OTUD5: variants seen among roughly 807,000 people sequenced by gnomAD.
OTUD5 encodes the protein OTU deubiquitinase 5, also known as OTU domain-containing protein 5.
A neutral mutation model predicts 36.3 loss-of-function variants in OTUD5; 2 were observed. The observed-to-expected ratio is 0.06, with a 90% CI of 0.02 to 0.17. The LOEUF (loss-of-function observed/expected upper bound fraction) is 0.17, where lower values mean the gene tolerates loss of function less well. OTUD5 is among the 10% of genes least tolerant of loss of function. The pLI, the probability that OTUD5 is intolerant of heterozygous loss-of-function variation, is 1.00. For missense variants in OTUD5, 233 were observed against 512.3 expected (o/e 0.45, Z 5.26); for synonymous variants, 234 against 214.9 (o/e 1.09, Z -0.78).
intron 4 of OTUD5, 33 bp downstream of exon 4, chrX:48,934,678 C>G: frequency 8.3e-7 from 1 of 1,205,915 alleles, no homozygotes; most frequent in Middle Eastern, 2.3e-4. Flanking sequence ...AATGAGGCAC[C>G]ATCTTTCCCT....
chrX:48,956,942 C>A lies in OTUD5; in HGVS notation c.594+35G>T, dbSNP rs369428817. ...CTTCACAGTCTGGGGGTCCCATCTG[C>A]CGTGGCCGCTCACCCCTCACCCCAC... On this transcript the variant is annotated intron_variant, in intron 1 of 8. Coordinates refer to ENST00000376488, the MANE Select transcript of OTUD5 (RefSeq NM_001136157.2). 4.0e-5 allele frequency: 44 copies of A among 1,105,093 alleles called. No homozygotes were observed. The African/African-American group carries it at 6.9e-4, about 17-fold the overall frequency. 91.1% of individuals were successfully genotyped at this position (1,105,093 alleles called of 1,213,427 possible).
intron 1 of OTUD5, among the ~76,000 whole-genome samples, chrX:48,951,847 A>G (rs2064152952): frequency 8.9e-6 from 1 of 111,796 alleles, no homozygotes; most frequent in Admixed American, 9.5e-5. Context: ...TGAGGTCAGG[A>G]GTTCAGGAGA....
intron 2 of OTUD5, among the ~76,000 whole-genome samples, chrX:48,942,236 C>CACACAT (rs2063938352): frequency 1.3e-5 from 1 of 77,567 alleles, no homozygotes. Flanking sequence ...GCTAGATACA[C>CACACAT]ACACACATAC....
chrX:48,948,019 C>T (rs782017484), intron 1 of OTUD5, among the ~76,000 whole-genome samples: 1 of 112,464 alleles, frequency 8.9e-6, no homozygotes, highest in South Asian at 3.7e-4. Flanking sequence ...CTGACCACAG[C>T]CCAGGTGGCA....
rs782570840 is a variant in OTUD5, at chrX:48,923,186, T to TGGG, written c.1686_1688dup (p.Pro563dup). On this transcript the variant is annotated inframe_insertion, in exon 9 of 9. Coordinates refer to ENST00000376488, the MANE Select transcript of OTUD5 (RefSeq NM_001136157.2). The stretch of plus-strand genomic sequence containing the variant: ...CCCTGGGTCTCCATCAACTCTTGTC[T>TGGG]GGGGGCGGGTCTCTGTGCACTTTGT... 7 of 1,208,885 alleles carry TGGG rather than the reference T, an allele frequency of 5.8e-6. No homozygotes were observed. Among genetic ancestry groups the TGGG allele is most frequent in the Non-Finnish European group, 7.8e-6 (7 of 893,405 alleles).
chrX:48,928,452 G>C (rs782059996), intron 5 of OTUD5, among the ~76,000 whole-genome samples: 2 of 111,973 alleles, frequency 1.8e-5, no homozygotes, highest in Non-Finnish European at 3.8e-5. Context: ...AACAAGCCAT[G>C]AAAGAACATG....
intron 1 of OTUD5, among the ~76,000 whole-genome samples, chrX:48,948,619 G>A (rs925378976): frequency 2.7e-5 from 3 of 110,876 alleles, no homozygotes; most frequent in African/African-American, 9.8e-5. Flanking sequence ...CTAGAGGCTG[G>A]ACTGCTAGCC....
At chrX:48,950,537 C>CTTTTTTT (rs781905691) in intron 1 of OTUD5, among the ~76,000 whole-genome samples, 3 of 83,073 alleles carry the variant, frequency 3.6e-5, no homozygotes, top group African/African-American at 4.6e-5. Flanking sequence ...TTCTCTCTCT[C>CTTTTTTT]TTTTTTTTTT....
At chrX:48,942,167 A>G (rs1557051207) in intron 2 of OTUD5, among the ~76,000 whole-genome samples, 1 of 106,176 alleles carries the variant, frequency 9.4e-6, no homozygotes, top group Admixed American at 1.0e-4. Context: ...AGTTACTACA[A>G]CAAGCCAGGT....
chrX:48,932,486 G>A (rs1024554009), intron 5 of OTUD5, among the ~76,000 whole-genome samples: 1 of 109,363 alleles, frequency 9.1e-6, no homozygotes, highest in Non-Finnish European at 1.9e-5. Context: ...CACCACACCC[G>A]GCTAATTTTT....
intron 5 of OTUD5, among the ~76,000 whole-genome samples, chrX:48,926,446 G>GT (rs1246519022): frequency 9.1e-6 from 1 of 109,788 alleles, no homozygotes; most frequent in Non-Finnish European, 1.9e-5. Context: ...CGCCTCCCAG[G>GT]TTCAAGGGAT....
intron 1 of OTUD5, among the ~76,000 whole-genome samples, chrX:48,952,656 G>A (rs1183719634): frequency 1.8e-5 from 2 of 111,923 alleles, no homozygotes; most frequent in East Asian, 2.8e-4. Context: ...AGAGCAATGA[G>A]TCCAACCTCC....
At chrX:48,942,039 C>T (rs1329820562) in intron 2 of OTUD5, among the ~76,000 whole-genome samples, 1 of 110,307 alleles carries the variant, frequency 9.1e-6, no homozygotes, top group Non-Finnish European at 1.9e-5. Context: ...GTCAGCTCTT[C>T]CTGTAAGTAG....
In OTUD5 at chrX:48,934,784, ATGGC is replaced by A; in HGVS notation, c.833_836del (p.Cys278LeufsTer56). On this transcript the variant is annotated frameshift_variant, in exon 4 of 9. Coordinates refer to ENST00000376488, the MANE Select transcript of OTUD5 (RefSeq NM_001136157.2). LOFTEE classifies it high-confidence loss of function. ...TGGCCTGCATCTCAATGTGGTTGCC[ATGGC>A]AATTGTTTTTCCGCTTCCTGTTAAT... 1 of 1,210,668 alleles carries A rather than the reference ATGGC, an allele frequency of 8.3e-7. No individual in the cohort carries two copies. Among genetic ancestry groups the A allele is most frequent in the Non-Finnish European group, 1.1e-6 (1 of 894,458 alleles).
At chrX:48,955,530 T>C (rs184789395) in intron 1 of OTUD5, among the ~76,000 whole-genome samples, 22 of 111,527 alleles carry the variant, frequency 2.0e-4, no homozygotes, top group Admixed American at 1.4e-3. Context: ...ATGAGTCTCC[T>C]GTCCCTGAAG....
Position 48,935,133 on chromosome X carries a change from ACCCCAAGGC to A in OTUD5, c.689-124_689-116del, listed in dbSNP as rs1230011585. ...GGGGACCAGGGAAATTCCCTTTTCT[ACCCCAAGGC>A]CTGGAGAGTTCTTGCCCTTGTAGGC... On this transcript the variant is annotated intron_variant, in intron 2 of 8. Coordinates refer to ENST00000376488, the MANE Select transcript of OTUD5 (RefSeq NM_001136157.2). 6 of 714,252 alleles carry A rather than the reference ACCCCAAGGC, an allele frequency of 8.4e-6. No individual in the cohort carries two copies. In the East Asian group the frequency reaches 2.1e-4, roughly 25 times the overall value. The allele number at this position is 714,252 out of a possible 1,213,427, so 58.9% of individuals were successfully genotyped here.
At chrX:48,932,071 C>T (rs1469651394) in intron 5 of OTUD5, among the ~76,000 whole-genome samples, 1 of 105,463 alleles carries the variant, frequency 9.5e-6, no homozygotes, top group East Asian at 3.0e-4. Flanking sequence ...ATTGCTTGAA[C>T]CCGGGAGGCA....
intron 2 of OTUD5, among the ~76,000 whole-genome samples, chrX:48,943,604 A>G (rs1230152526): frequency 1.8e-5 from 2 of 111,424 alleles, no homozygotes; most frequent in African/African-American, 6.5e-5. Flanking sequence ...TAAGTTGAAA[A>G]AAAATTCTAT....
At chrX:48,943,719 G>A (rs782523967) in intron 2 of OTUD5, among the ~76,000 whole-genome samples, 2 of 111,449 alleles carry the variant, frequency 1.8e-5, no homozygotes, top group Non-Finnish European at 3.8e-5. Flanking sequence ...ATAAACCTAG[G>A]GGTCATACAG....
Sources: allele counts gnomAD v4.1 joint callset (sites outside exome capture counted in the v4.1 genomes callset), GRCh38; gene constraint gnomAD v4.1.1; transcripts MANE v1.5; gene names NCBI Gene and HGNC (gene_info 2026-07-23, HGNC 2026-07-21).